Variants in NSUN6 observed in about 807,000 individuals in gnomAD.
NSUN6 encodes the protein NOP2/Sun RNA methyltransferase 6, also known as tRNA (cytosine(72)-C(5))-methyltransferase NSUN6.
NSUN6 carries 64 observed loss-of-function variants against 58.0 expected under a neutral mutation model. That is an observed-to-expected ratio of 1.10 (90% CI 0.90 to 1.36). The LOEUF (loss-of-function observed/expected upper bound fraction) is 1.36. Ranked by LOEUF, NSUN6 falls within the 40% of genes most tolerant of loss-of-function variation. NSUN6 has a pLI of 0.00. For synonymous variants in NSUN6, 231 were observed against 193.9 expected (o/e 1.19, Z -1.59); for missense variants, 701 against 550.1 (o/e 1.27, Z -2.74).
upstream of NSUN6, chr10:18,652,432 G>A (rs2059725501): frequency 2.0e-6 from 2 of 984,244 alleles, no homozygotes; most frequent in Admixed American, 6.2e-5. Context: ...TTTTCACACC[G>A]AATTATACAC....
chr10:18,651,353 A>G lies in NSUN6; in HGVS notation c.-150T>C. ...CACGCTGAGTTAATTTCGGAAATGC[A>G]GAGGTACACGCTTTCTCAAGCCTAG... On this transcript the variant is annotated 5_prime_UTR_variant, in exon 1 of 11. Coordinates refer to ENST00000377304, the MANE Select transcript of NSUN6 (RefSeq NM_182543.5). 7.2e-7 allele frequency: 1 copy of G among 1,380,882 alleles called. No homozygotes were observed. Among genetic ancestry groups the G allele is most frequent in the Non-Finnish European group, 9.3e-7 (1 of 1,073,894 alleles). The allele number at this position is 1,380,882 out of a possible 1,614,324, so 85.5% of individuals were successfully genotyped here.
chr10:18,604,887 T>A (rs112291768), intron 6 of NSUN6, among the ~76,000 whole-genome samples: 1 of 149,456 alleles, frequency 6.7e-6, no homozygotes, highest in Admixed American at 6.6e-5. Flanking sequence ...CTCTTTCTTT[T>A]TTTTTTTTTT....
upstream of NSUN6, chr10:18,658,716 G>A (rs1431291964): frequency 2.1e-6 from 2 of 935,076 alleles, no homozygotes; most frequent in Non-Finnish European, 2.6e-6. Context: ...TAAGAATCAC[G>A]ACAGGGGCCG....
chr10:18,648,726 G>A (rs2059621111), intron 1 of NSUN6, 81 bp from the exon 2 acceptor site: 2 of 747,150 alleles, frequency 2.7e-6, no homozygotes, highest in Non-Finnish European at 4.4e-6. Context: ...TCCATCTAAT[G>A]AAACATCGCT....
At chr10:18,567,972 T>C (rs907882403) in intron 8 of NSUN6, among the ~76,000 whole-genome samples, 1 of 151,106 alleles carries the variant, frequency 6.6e-6, no homozygotes, top group Non-Finnish European at 1.5e-5. Flanking sequence ...CTCCATTCCA[T>C]TCCCCATTCC....
Position 18,586,022 on chromosome 10 carries a change from C to T in NSUN6, c.849G>A (p.Gly283=), listed in dbSNP as rs781372111. 8.1e-6 allele frequency: 13 copies of T among 1,612,422 alleles called. No homozygotes were observed. The South Asian group carries it at 1.1e-4, about 14-fold the overall frequency. Residue 283 remains glycine (G), a synonymous_variant, in exon 8 of 11, where the codon GGG becomes GGA. Transcript: ENST00000377304. ...EKIKQNALLL[G]LNSIRAFCFD... ...AACAAAATGCCCTGATGGAATTCAGCCCTAACAATAAGGCATTCTGTTTGA... is the reference window on the plus strand; with the variant it reads ...AACAAAATGCCCTGATGGAATTCAGTCCTAACAATAAGGCATTCTGTTTGA...
intron 6 of NSUN6, among the ~76,000 whole-genome samples, chr10:18,601,501 TG>T (rs1413049820): frequency 1.0e-5 from 1 of 99,918 alleles, no homozygotes; most frequent in Non-Finnish European, 2.1e-5. Flanking sequence ...CTTACTGAGA[TG>T]TGGCAGGAGT....
chr10:18,612,419 A>G (rs1313853243), intron 5 of NSUN6, among the ~76,000 whole-genome samples: 1 of 152,142 alleles, frequency 6.6e-6, no homozygotes, highest in African/African-American at 2.4e-5. Context: ...CCTATTTCTA[A>G]AAGAAAAAAG....
chr10:18,618,829 C>G (rs1230474203), intron 3 of NSUN6, among the ~76,000 whole-genome samples: 2 of 150,680 alleles, frequency 1.3e-5, no homozygotes, highest in Non-Finnish European at 2.9e-5. Flanking sequence ...TGGGTCTAAT[C>G]TGCTGTTTAA....
At chr10:18,627,335 T>C (rs965028637) in intron 3 of NSUN6, among the ~76,000 whole-genome samples, 2 of 152,024 alleles carry the variant, frequency 1.3e-5, no homozygotes, top group African/African-American at 4.8e-5. Flanking sequence ...GAGCTTTTAG[T>C]AAAAAATCAG....
At chr10:18,591,312 G>A (rs999539630) in intron 7 of NSUN6, among the ~76,000 whole-genome samples, 2 of 152,090 alleles carry the variant, frequency 1.3e-5, no homozygotes, top group African/African-American at 2.4e-5. Context: ...GTACAAAGAG[G>A]AGCTGGCACC....
chr10:18,585,644 G>T (rs1427808404), intron 8 of NSUN6, among the ~76,000 whole-genome samples: 1 of 152,206 alleles, frequency 6.6e-6, no homozygotes, highest in Non-Finnish European at 1.5e-5. Flanking sequence ...CAGAGGCTGG[G>T]GGAGGAGGGA....
chr10:18,551,498 G>C (rs12775446), intron 9 of NSUN6, among the ~76,000 whole-genome samples: 49,805 of 151,622 alleles, frequency 0.33, 8,384 homozygotes, highest in Admixed American at 0.38. Context: ...TCTTCTTCCT[G>C]TCTCTGTGAA....
intron 8 of NSUN6, among the ~76,000 whole-genome samples, chr10:18,573,625 A>G (rs2131002607): frequency 6.6e-6 from 1 of 152,328 alleles, no homozygotes; most frequent in African/African-American, 2.4e-5. Flanking sequence ...CAGTACGTGG[A>G]TGACCTTCTC....
chr10:18,658,043 A>G (rs927443242), upstream of NSUN6, among the ~76,000 whole-genome samples: 1 of 151,906 alleles, frequency 6.6e-6, no homozygotes, highest in Non-Finnish European at 1.5e-5. Flanking sequence ...AGAAGCTGTT[A>G]CGGAATCTAA....
chr10:18,641,847 T>C (rs994995642), intron 3 of NSUN6, among the ~76,000 whole-genome samples: 10 of 152,190 alleles, frequency 6.6e-5, no homozygotes, highest in Admixed American at 5.2e-4. Context: ...GGTGGGAGGA[T>C]TGTTTGAGGC....
At chr10:18,617,369 G>C (rs1186032664) in intron 3 of NSUN6, among the ~76,000 whole-genome samples, 1 of 151,894 alleles carries the variant, frequency 6.6e-6, no homozygotes, top group Non-Finnish European at 1.5e-5. Flanking sequence ...TGTATTTTTA[G>C]TAGTGACAGG....
At chr10:18,617,741 T>C (rs2131368127) in intron 3 of NSUN6, among the ~76,000 whole-genome samples, 1 of 152,208 alleles carries the variant, frequency 6.6e-6, no homozygotes, top group South Asian at 2.1e-4. Context: ...GCTGGCAACT[T>C]AATCCCTAGT....
chr10:18,565,376 T>C (rs1253640222), intron 8 of NSUN6, among the ~76,000 whole-genome samples: 1 of 149,834 alleles, frequency 6.7e-6, no homozygotes, highest in Non-Finnish European at 1.5e-5. Flanking sequence ...CTCCATTTCA[T>C]TCCCTTCCAT....
Sources: allele counts gnomAD v4.1 joint callset (sites outside exome capture counted in the v4.1 genomes callset), GRCh38; gene constraint gnomAD v4.1.1; transcripts MANE v1.5; gene names NCBI Gene and HGNC (gene_info 2026-07-23, HGNC 2026-07-21).